The following DPF3 variants were observed in gnomAD, a reference collection of about 807,000 sequenced individuals.
The protein encoded by DPF3 is zinc finger protein DPF3.
In DPF3, 18 loss-of-function variants were observed where a neutral mutation model predicts 56.8. The observed-to-expected ratio is 0.32, with a 90% CI of 0.22 to 0.47. The LOEUF is 0.47. DPF3 is among the 20% of genes least tolerant of loss of function. The pLI is 1.00. For synonymous variants in DPF3, 188 were observed against 180.2 expected, an observed-to-expected ratio of 1.04 and a Z score of -0.35; for missense variants, 403 against 488.8, an observed-to-expected ratio of 0.82 and a Z score of 1.65.
At chr14:72,688,320 T>C (rs1011934464) in intron 7 of DPF3, among the ~76,000 whole-genome samples, 1 of 8,282 alleles carries the variant, frequency 1.2e-4, no homozygotes, top group Non-Finnish European at 2.5e-4. Context: ...GGTGGGTGGG[T>C]GGGTGGATGG....
chr14:72,863,762 T>A (rs1324324112), intron 1 of DPF3, among the ~76,000 whole-genome samples: 1 of 151,818 alleles, frequency 6.6e-6, no homozygotes, highest in Non-Finnish European at 1.5e-5. Flanking sequence ...CAGGTGAGAG[T>A]GGCTAGCATA....
At chr14:72,692,036 A>C (rs1444231982) in intron 7 of DPF3, among the ~76,000 whole-genome samples, 1 of 152,214 alleles carries the variant, frequency 6.6e-6, no homozygotes, top group African/African-American at 2.4e-5. Flanking sequence ...TAATCTGAAG[A>C]ATGGTCTTGG....
intron 2 of DPF3, among the ~76,000 whole-genome samples, chr14:72,756,822 CAGAAAGAA>C (rs71109746): frequency 0.02 from 1,430 of 69,950 alleles, 39 homozygotes; most frequent in African/African-American, 0.036. Context: ...GAAAGAAAGA[CAGAAAGAA>C]AGAAAGAAAG....
At chr14:72,883,610 G>A (rs1358110424) in intron 1 of DPF3, among the ~76,000 whole-genome samples, 1 of 152,174 alleles carries the variant, frequency 6.6e-6, no homozygotes, top group Non-Finnish European at 1.5e-5. Context: ...TGACCCCACC[G>A]CAATGCTCTC....
chr14:72,861,697 A>G (rs1885412334), intron 1 of DPF3, among the ~76,000 whole-genome samples: 1 of 146,896 alleles, frequency 6.8e-6, no homozygotes, highest in Admixed American at 7.0e-5. Context: ...GAAAAGAAAG[A>G]AAGAGAGAGA....
At chr14:72,756,911 A>AAAGAAAGAAAGAAAGAAAGAAAGC (rs1890848513) in intron 2 of DPF3, among the ~76,000 whole-genome samples, 1 of 136,036 alleles carries the variant, frequency 7.4e-6, no homozygotes, top group Non-Finnish European at 1.5e-5. Flanking sequence ...AGAAAAAAAG[A>AAAGAAAGAAAGAAAGAAAGAAAGC]AAGAAAGAAA....
At chr14:72,640,055 A>T (rs1885504058) in intron 8 of DPF3, among the ~76,000 whole-genome samples, 1 of 53,146 alleles carries the variant, frequency 1.9e-5, no homozygotes, top group Non-Finnish European at 4.2e-5. Flanking sequence ...GTAAAAAAAA[A>T]AAAAAAAAAA....
intron 3 of DPF3, among the ~76,000 whole-genome samples, chr14:72,748,860 G>A (rs891982387): frequency 2.6e-5 from 4 of 152,210 alleles, no homozygotes; most frequent in Non-Finnish European, 4.4e-5. Context: ...GGAAACCTCT[G>A]CCTAGATTTC....
intron 1 of DPF3, among the ~76,000 whole-genome samples, chr14:72,803,614 T>C (rs1892973403): frequency 6.6e-6 from 1 of 152,194 alleles, no homozygotes; most frequent in South Asian, 2.1e-4. Context: ...TTGACCTGCC[T>C]AGGTGGGCAA....
intron 1 of DPF3, among the ~76,000 whole-genome samples, chr14:72,778,997 T>C (rs1268456431): frequency 3.3e-5 from 5 of 152,168 alleles, no homozygotes; most frequent in Non-Finnish European, 7.4e-5. Flanking sequence ...AGCGTCAATA[T>C]GAAGGCCACC....
chr14:72,892,699 A>C, intron 1 of DPF3: 1 of 1,014,664 alleles, frequency 9.9e-7, no homozygotes, highest in Non-Finnish European at 1.2e-6. Context: ...ACCAGGGAGA[A>C]TTCGGCATGA....
In DPF3 at chr14:72,663,166, C is replaced by CAAAAAAAAAAAAAA. The variant is rs56335418; in HGVS notation, c.871+11060_871+11073dup. On this transcript the variant is annotated intron_variant, in intron 8 of 10. Transcript: ENST00000556509. ...TGTAGCAGGCAGAACTGGGTGTTAG[C>CAAAAAAAAAAAAAA]AAAAAAAAAAAAAAAAAATTCCCCT... Among the ~76,000 whole-genome samples, 299 of 88,418 alleles carry CAAAAAAAAAAAAAA rather than the reference C, an allele frequency of 3.4e-3. 5 individuals are homozygous for CAAAAAAAAAAAAAA. Among genetic ancestry groups the CAAAAAAAAAAAAAA allele is most frequent in the African/African-American group, 7.9e-3 (175 of 22,188 alleles). The allele number at this position is 88,418 out of a possible 152,430, so 58.0% of individuals were successfully genotyped here. A position where few individuals can be genotyped will look rare whatever the true frequency, so the allele number is the denominator to read the frequency against.
intron 3 of DPF3, among the ~76,000 whole-genome samples, chr14:72,743,448 A>G (rs1239565140): frequency 6.6e-6 from 1 of 152,096 alleles, no homozygotes; most frequent in Non-Finnish European, 1.5e-5. Flanking sequence ...CAGTTTCCCA[A>G]CCTCTAAAAT....
intron 1 of DPF3, among the ~76,000 whole-genome samples, chr14:72,805,051 G>GACAC (rs138162317): frequency 1.4e-3 from 198 of 146,470 alleles, no homozygotes; most frequent in Middle Eastern, 3.4e-3. Context: ...CACAGCCCTG[G>GACAC]ACACACACAC....
intron 1 of DPF3, among the ~76,000 whole-genome samples, chr14:72,893,016 GA>G (rs1886832329): frequency 1.7e-5 from 2 of 119,504 alleles, no homozygotes; most frequent in East Asian, 2.7e-4. Context: ...AGGAAGGAAG[GA>G]AGGAAGGATG....
intron 1 of DPF3, 108 bp downstream of exon 1, chr14:72,893,949 T>A: frequency 7.6e-7 from 1 of 1,318,806 alleles, no homozygotes; most frequent in South Asian, 1.3e-5. Flanking sequence ...CCGCCGCGGC[T>A]GGAGGCGCCT....
intron 7 of DPF3, among the ~76,000 whole-genome samples, chr14:72,680,527 A>G (rs774210552): frequency 1.3e-4 from 20 of 152,260 alleles, no homozygotes; most frequent in Non-Finnish European, 1.5e-5. Context: ...CTCTCCCCAC[A>G]GGCCATCTTG....
chr14:72,674,035 C>T, intron 8 of DPF3: 1 of 717,490 alleles, frequency 1.4e-6, no homozygotes, highest in Non-Finnish European at 2.1e-6. Flanking sequence ...TCTCTTTGCC[C>T]TTTCCCCCGG....
Position 72,655,236 on chromosome 14 carries a change from G to C in DPF3, c.871+19004C>G, listed in dbSNP as rs570721509. On this transcript the variant is annotated intron_variant, in intron 8 of 10. Transcript: ENST00000556509. ...TTTAAAATTATTTAGAAAGAATGCC[G>C]ATCACTTCTTTTCTGAAGCAGAATT... Among the ~76,000 whole-genome samples, 4 of 152,164 alleles carry C rather than the reference G, an allele frequency of 2.6e-5. No individual in the cohort carries two copies. The East Asian group carries it at 5.8e-4, about 22-fold the overall frequency.
Sources: gnomAD v4.1 joint callset for allele counts (sites outside exome capture counted in the v4.1 genomes callset) on GRCh38, gnomAD v4.1.1 for gene constraint, MANE v1.5 for transcripts, NCBI Gene and HGNC (gene_info 2026-07-23, HGNC 2026-07-21) for gene names.